LAMC2: variants seen among roughly 807,000 people sequenced by gnomAD.
LAMC2 encodes laminin subunit gamma 2.
LAMC2 carries 97 observed loss-of-function variants against 140.2 expected under a neutral mutation model. That is an observed-to-expected ratio of 0.69 (90% CI 0.59 to 0.82). The LOEUF is 0.82. Ranked by LOEUF, LAMC2 falls within the 40% of genes least tolerant of loss-of-function variation. The pLI is 0.00. For missense variants in LAMC2, 1,402 were observed against 1,476.1 expected (o/e 0.95, Z 0.82); for synonymous variants, 513 against 540.2 (o/e 0.95, Z 0.70).
At chr1:183,191,549 A>C (rs958508008) in intron 1 of LAMC2, among the ~76,000 whole-genome samples, 9 of 149,714 alleles carry the variant, frequency 6.0e-5, no homozygotes, top group Admixed American at 1.3e-4. Flanking sequence ...GCAAGACTTG[A>C]ATCATCTATT....
In LAMC2 at chr1:183,215,438, C is replaced by T. The variant is rs12085883; in HGVS notation, c.269-15C>T. 1.2e-3 allele frequency: 1,979 copies of T among 1,613,948 alleles called. 28 individuals carry two copies. In the African/African-American group the frequency reaches 0.024, roughly 19 times the overall value. On this transcript the variant is annotated splice_polypyrimidine_tract_variant and intron_variant, in intron 2 of 22. Coordinates refer to ENST00000264144, the MANE Select transcript of LAMC2 (RefSeq NM_005562.3). ...TCTTCTTCTTCTTTCCTTTCCCCTA[C>T]CTTGTGGGTTTCAGGTTCTCTTAGT...
chr1:183,231,182 T>C lies in LAMC2; in HGVS notation c.1857+79T>C, dbSNP rs1659790739. The stretch of plus-strand genomic sequence containing the variant: ...GTCCACTGGGTGGTTCTGTCACAGA[T>C]CTAGGACACTCCTAGTCTCCTGAGG... On this transcript the variant is annotated intron_variant, in intron 12 of 22. Transcript: ENST00000264144. 4 of 1,517,424 alleles carry C rather than the reference T, an allele frequency of 2.6e-6. No individual in the cohort carries two copies. The African/African-American group carries it at 4.1e-5, about 16-fold the overall frequency. 94.0% of individuals were successfully genotyped at this position (1,517,424 alleles called of 1,614,324 possible).
chr1:183,234,143 T>C (rs1037324582), intron 14 of LAMC2, among the ~76,000 whole-genome samples: 1 of 152,216 alleles, frequency 6.6e-6, no homozygotes, highest in Non-Finnish European at 1.5e-5. Flanking sequence ...CGCCCTGGCC[T>C]CCCAAAGTGC....
Position 183,243,127 on chromosome 1 carries a change from T to G in LAMC2, c.3329-20T>G. On this transcript the variant is annotated intron_variant, in intron 22 of 22. Coordinates refer to ENST00000264144, the MANE Select transcript of LAMC2 (RefSeq NM_005562.3). ...ACTACAGCTTTTCTATGTTAACTTG[T>G]GTCTCATTCCTTGAAATAGACCAGC... is the stretch of plus-strand genomic sequence containing the variant. 1 of 1,613,896 alleles carries G rather than the reference T, an allele frequency of 6.2e-7. No homozygotes were observed. The highest frequency in any genetic ancestry group is 8.5e-7 in the Non-Finnish European group (1 of 1,179,954).
the LAMC2 span, among the ~76,000 whole-genome samples, chr1:183,253,323 TAA>T: frequency 5.4e-5 from 8 of 148,188 alleles, no homozygotes; most frequent in African/African-American, 1.2e-4. Flanking sequence ...ATTATTTATA[TAA>T]GTGTTAATAT....
chr1:183,217,987 T>A (rs943461752), intron 3 of LAMC2, among the ~76,000 whole-genome samples: 2 of 152,198 alleles, frequency 1.3e-5, no homozygotes, highest in Middle Eastern at 6.3e-3. Context: ...TAGATGGAAT[T>A]AATCATGATA....
chr1:183,226,174 C>T (rs1266636469), intron 8 of LAMC2, among the ~76,000 whole-genome samples: 3 of 140,060 alleles, frequency 2.1e-5, no homozygotes, highest in African/African-American at 8.3e-5. Context: ...CATGTTGGGT[C>T]CTCCTAATCT....
intron 1 of LAMC2, among the ~76,000 whole-genome samples, chr1:183,188,645 T>C (rs1028695407): frequency 2.0e-5 from 3 of 152,222 alleles, no homozygotes; most frequent in African/African-American, 7.2e-5. Flanking sequence ...TAAAGTGCCT[T>C]AAAATGCCTG....
intron 1 of LAMC2, among the ~76,000 whole-genome samples, chr1:183,192,426 GT>G (rs368439460): frequency 7.0e-4 from 107 of 152,288 alleles, no homozygotes; most frequent in African/African-American, 2.5e-3. Flanking sequence ...GTTTCACCAT[GT>G]TTTTCTCTTA....
chr1:183,233,747 C>A, intron 14 of LAMC2, among the ~76,000 whole-genome samples: 1 of 150,354 alleles, frequency 6.7e-6, no homozygotes, highest in South Asian at 2.1e-4. Context: ...TTTTTTTTGG[C>A]TTCCAGCAGG....
At chr1:183,223,811 A>C (rs1313977567) in intron 7 of LAMC2, among the ~76,000 whole-genome samples, 1 of 152,174 alleles carries the variant, frequency 6.6e-6, no homozygotes, top group Non-Finnish European at 1.5e-5. Context: ...TGCAGTGAGA[A>C]GTGAGGTAGG....
intron 2 of LAMC2, among the ~76,000 whole-genome samples, chr1:183,211,507 T>C (rs892641543): frequency 3.3e-5 from 5 of 152,190 alleles, no homozygotes; most frequent in African/African-American, 9.7e-5. Flanking sequence ...TTTGTTTTTA[T>C]TGGGTTTGTT....
chr1:183,233,375 T>C lies in LAMC2; in HGVS notation c.2220+518T>C, dbSNP rs939748248. Among the ~76,000 whole-genome samples the C allele has an allele frequency of 2.6e-5, 4 of 152,124 alleles. No homozygotes were observed. In the East Asian group the frequency reaches 7.7e-4, roughly 29 times the overall value. On this transcript the variant is annotated intron_variant, in intron 14 of 22. Transcript: ENST00000264144. ...AGGAAGGAAGACATGGTTTTGAAAA[T>C]GGGAAAAAAATGCTGCCAGTATGAT...
intron 7 of LAMC2, 100 bp downstream of exon 7, chr1:183,223,424 C>G: frequency 1.7e-6 from 2 of 1,150,628 alleles, no homozygotes; most frequent in East Asian, 2.4e-5. Flanking sequence ...GTTCAACAAG[C>G]CTTTCTGAGC....
chr1:183,228,633 C>T lies in LAMC2; in HGVS notation c.1714+14C>T, dbSNP rs1659707889. 3 of 1,613,716 alleles carry T rather than the reference C, an allele frequency of 1.9e-6. No individual in the cohort carries two copies. Among genetic ancestry groups the T allele is most frequent in the Non-Finnish European group, 2.5e-6 (3 of 1,180,010 alleles). Reference sequence around the variant, plus strand: ...ACAAGTGTCGAGGTAGGACTCCACCCCAGGCAGGCTGTGTCTGTGCGTGCC... The same window carrying T: ...ACAAGTGTCGAGGTAGGACTCCACCTCAGGCAGGCTGTGTCTGTGCGTGCC... On this transcript the variant is annotated intron_variant, in intron 11 of 22. Transcript: ENST00000264144. This position sits in a 1 kb window ranked among gnomAD's most constrained non-coding sequence, Gnocchi z 4.3.
At chr1:183,221,771 C>T (rs1242813965) in intron 5 of LAMC2, among the ~76,000 whole-genome samples, 1 of 148,950 alleles carries the variant, frequency 6.7e-6, no homozygotes, top group African/African-American at 2.5e-5. Context: ...ACTGGACCCT[C>T]TCACTTCATT....
rs762378792 is a variant in LAMC2, at chr1:183,239,589, G to C, written c.3069+26G>C. 4 of 1,582,540 alleles carry C rather than the reference G, an allele frequency of 2.5e-6. No homozygotes were observed. In the African/African-American group the frequency reaches 5.4e-5, roughly 21 times the overall value. On this transcript the variant is annotated intron_variant, in intron 20 of 22. Coordinates refer to ENST00000264144, the MANE Select transcript of LAMC2 (RefSeq NM_005562.3). ...GTAAAGAGAAATCGACATGTGTGTT[G>C]GTGCCAGTAGCACCAAACACAAGGG... is the stretch of plus-strand genomic sequence containing the variant.
chr1:183,239,909 C>G, intron 20 of LAMC2, 131 bp from the exon 21 acceptor site: 122 of 970,736 alleles, frequency 1.3e-4, no homozygotes, highest in Non-Finnish European at 1.7e-4. Context: ...AAGTCTGATT[C>G]TCTCATTATT....
chr1:183,204,111 G>A (rs946152076), intron 1 of LAMC2, among the ~76,000 whole-genome samples: 4 of 152,032 alleles, frequency 2.6e-5, no homozygotes, highest in South Asian at 4.2e-4. Context: ...GCAATACCAC[G>A]AGAACCTGTC....
Sources: gnomAD v4.1 joint callset for allele counts (sites outside exome capture counted in the v4.1 genomes callset) on GRCh38, gnomAD v4.1.1 for gene constraint, Gnocchi (gnomAD v3.1) non-coding constraint, MANE v1.5 for transcripts, NCBI Gene and HGNC (gene_info 2026-07-23, HGNC 2026-07-21) for gene names.